Variants in ANK2 observed in about 807,000 individuals in gnomAD.
The protein encoded by ANK2 is ankyrin 2, also known as ankyrin-2.
In ANK2, 83 loss-of-function variants were observed where a neutral mutation model predicts 360.5. That is an observed-to-expected ratio of 0.23 (90% CI 0.19 to 0.28). The LOEUF (loss-of-function observed/expected upper bound fraction) is 0.28, where lower values mean the gene tolerates loss of function less well. Among genes scored for constraint, ANK2 ranks in the 10% least tolerant of loss-of-function variants. The probability of loss-of-function intolerance (pLI) is 1.00; values close to 1 mark genes in which losing one functional copy is unlikely to be tolerated. For missense variants in ANK2, 4,201 were observed against 4,795.7 expected, an observed-to-expected ratio of 0.88 and a Z score of 3.66; for synonymous variants, 1,740 against 1,759.5, an observed-to-expected ratio of 0.99 and a Z score of 0.28.
intron 2 of ANK2, among the ~76,000 whole-genome samples, chr4:113,186,838 G>A (rs1028413313): frequency 6.6e-6 from 1 of 152,132 alleles, no homozygotes; most frequent in African/African-American, 2.4e-5. Context: ...GATTGATGTG[G>A]GCATGATCAG....
chr4:112,964,838 G>C (rs1414544639), intron 2 of ANK2, among the ~76,000 whole-genome samples: 1 of 152,010 alleles, frequency 6.6e-6, no homozygotes, highest in African/African-American at 2.4e-5. Context: ...CAAAGTGCTG[G>C]TATTACAGGC....
intron 45 of ANK2, among the ~76,000 whole-genome samples, chr4:113,379,579 T>C (rs2097095612): frequency 6.6e-6 from 1 of 152,026 alleles, no homozygotes; most frequent in Non-Finnish European, 1.5e-5. Flanking sequence ...TTAGCAGAAA[T>C]AGTCAGAAAA....
intron 2 of ANK2, among the ~76,000 whole-genome samples, chr4:112,975,426 A>T (rs556317014): frequency 1.3e-5 from 2 of 152,254 alleles, no homozygotes; most frequent in Middle Eastern, 6.8e-3. Flanking sequence ...ACTTGAAAGG[A>T]AAAAAAATAT....
At chr4:113,134,795 T>A (rs982276067) in intron 1 of ANK2, among the ~76,000 whole-genome samples, 1 of 152,232 alleles carries the variant, frequency 6.6e-6, no homozygotes, top group African/African-American at 2.4e-5. Flanking sequence ...AAATATTATA[T>A]GACCTTTGTA....
At chr4:113,128,871 TC>T (rs780906283) in intron 1 of ANK2, among the ~76,000 whole-genome samples, 8 of 152,316 alleles carry the variant, frequency 5.3e-5, no homozygotes, top group Non-Finnish European at 1.0e-4. Flanking sequence ...ATTTCCTACC[TC>T]CCTTCACTTA....
intron 1 of ANK2, among the ~76,000 whole-genome samples, chr4:113,052,589 T>C (rs748895663): frequency 1.3e-5 from 2 of 152,210 alleles, no homozygotes; most frequent in Non-Finnish European, 2.9e-5. Context: ...AATTTATTTA[T>C]GTCAAAATTT....
intron 1 of ANK2, among the ~76,000 whole-genome samples, chr4:113,146,666 C>T (rs1238668852): frequency 7.0e-6 from 1 of 143,282 alleles, no homozygotes; most frequent in Non-Finnish European, 1.5e-5. Flanking sequence ...GGTACAAAGG[C>T]TTATTGTGAT....
intron 2 of ANK2, among the ~76,000 whole-genome samples, chr4:113,018,570 T>C (rs1218732448): frequency 1.3e-5 from 2 of 152,206 alleles, no homozygotes; most frequent in Non-Finnish European, 2.9e-5. Context: ...GTATGTGAGA[T>C]GACTTTTCAG....
In ANK2 at chr4:112,872,821, C is replaced by T. The variant is rs1335366859; in HGVS notation, c.-39-31634C>T. Among the ~76,000 whole-genome samples, 8 of 152,056 alleles carry T rather than the reference C, an allele frequency of 5.3e-5. No homozygotes were observed. The South Asian group carries it at 1.5e-3, about 28-fold the overall frequency. ...TATTTAAGCATTTGGCAGAATTTACCAGTGAAGCCATCTGGTCATGGGCTT... is the reference window on the plus strand; with the variant it reads ...TATTTAAGCATTTGGCAGAATTTACTAGTGAAGCCATCTGGTCATGGGCTT... On this transcript the variant is annotated intron_variant, in intron 1 of 30. Transcript: ENST00000503271.
At chr4:112,888,634 G>C (rs1277386858) in intron 1 of ANK2, among the ~76,000 whole-genome samples, 2 of 151,626 alleles carry the variant, frequency 1.3e-5, no homozygotes, top group Non-Finnish European at 2.9e-5. Context: ...CTCTCCCCCT[G>C]TCTACCCCAA....
chr4:113,283,985 T>G (rs533662178), intron 18 of ANK2, among the ~76,000 whole-genome samples: 16 of 152,326 alleles, frequency 1.1e-4, no homozygotes, highest in Admixed American at 9.8e-4. Flanking sequence ...ACTTCTGCAG[T>G]CCTAGTCTAT....
chr4:113,295,387 G>T (rs1357933924), intron 22 of ANK2, among the ~76,000 whole-genome samples: 1 of 152,076 alleles, frequency 6.6e-6, no homozygotes, highest in Non-Finnish European at 1.5e-5. Flanking sequence ...ATATTACTCA[G>T]GTGAATGACT....
At position 113,287,769 on chromosome 4, in the gene ANK2, C is replaced by A. The variant is rs541944377; in HGVS notation, c.2178+66C>A. 5 of 1,350,010 alleles carry A rather than the reference C, an allele frequency of 3.7e-6. No homozygotes were observed. The Admixed American group carries it at 6.8e-5, about 18-fold the overall frequency. The allele number at this position is 1,350,010 out of a possible 1,614,324, so 83.6% of individuals were successfully genotyped here. On this transcript the variant is annotated intron_variant, in intron 19 of 45. Transcript: ENST00000357077. Reference sequence around the variant, plus strand: ...GGGATGATTCCCAGTAGCCCCCATTCGGGTCACCCCATGTCCAGGGTCTTC... The same window carrying A: ...GGGATGATTCCCAGTAGCCCCCATTAGGGTCACCCCATGTCCAGGGTCTTC...
chr4:112,812,795 C>A, the ANK2 span, among the ~76,000 whole-genome samples: 1,146 of 152,252 alleles, frequency 7.5e-3, 9 homozygotes, highest in African/African-American at 0.026. Flanking sequence ...TCCTTTGACA[C>A]GACCCTACTT....
the ANK2 span, among the ~76,000 whole-genome samples, chr4:112,713,952 A>G: frequency 6.6e-6 from 1 of 152,030 alleles, no homozygotes; most frequent in East Asian, 1.9e-4. Flanking sequence ...AAACAAAAAA[A>G]AAAACTGTCA....
chr4:113,089,599 G>C (rs1178456771), intron 1 of ANK2, among the ~76,000 whole-genome samples: 3 of 152,240 alleles, frequency 2.0e-5, no homozygotes, highest in Non-Finnish European at 4.4e-5. Flanking sequence ...GCTGAGGCGG[G>C]TGGATCACCT....
chr4:112,745,603 G>A, the ANK2 span, among the ~76,000 whole-genome samples: 2 of 141,678 alleles, frequency 1.4e-5, no homozygotes, highest in Non-Finnish European at 3.0e-5. Flanking sequence ...GCACGACCTC[G>A]GCTCACTGCA....
intron 2 of ANK2, among the ~76,000 whole-genome samples, chr4:113,004,928 C>T (rs1306449893): frequency 6.6e-6 from 1 of 152,110 alleles, no homozygotes; most frequent in East Asian, 1.9e-4. Context: ...CATCACGTGG[C>T]GCATGACTGT....
At chr4:112,878,930 C>G (rs998190178) in intron 1 of ANK2, among the ~76,000 whole-genome samples, 2 of 152,112 alleles carry the variant, frequency 1.3e-5, no homozygotes, top group Non-Finnish European at 2.9e-5. Flanking sequence ...GCCCCTGATT[C>G]TTATTTTTAA....
Sources: allele counts gnomAD v4.1 joint callset (sites outside exome capture counted in the v4.1 genomes callset), GRCh38; gene constraint gnomAD v4.1.1; transcripts MANE v1.5; gene names NCBI Gene and HGNC (gene_info 2026-07-23, HGNC 2026-07-21).